The following AARSD1 variants were observed in gnomAD, a reference collection of about 807,000 sequenced individuals.
AARSD1 encodes alanyl-tRNA synthetase domain containing 1.
AARSD1 carries 44 observed loss-of-function variants against 48.7 expected under a neutral mutation model. That is an observed-to-expected ratio of 0.90 (90% CI 0.71 to 1.16). AARSD1 has a LOEUF of 1.16. Ranked by LOEUF, AARSD1 falls within the 50% of genes most tolerant of loss-of-function variation. The probability of loss-of-function intolerance (pLI) is 0.00; values close to 1 mark genes in which losing one functional copy is unlikely to be tolerated. For synonymous variants in AARSD1, 189 were observed against 194.9 expected, an observed-to-expected ratio of 0.97 and a Z score of 0.25; for missense variants, 511 against 523.1, an observed-to-expected ratio of 0.98 and a Z score of 0.23.
chr17:42,958,670 AAGCG>A (rs1490028483), intron 3 of AARSD1, among the ~76,000 whole-genome samples: 13 of 150,086 alleles, frequency 8.7e-5, no homozygotes, highest in African/African-American at 1.2e-4. Flanking sequence ...TCTCGGGTTC[AAGCG>A]ATTCTCCTGC....
In AARSD1 at chr17:42,950,611, C is replaced by A. The variant is rs376955035; in HGVS notation, c.1221G>T (p.Thr407=). The A allele has an allele frequency of 5.6e-6, 9 of 1,613,668 alleles. No individual in the cohort carries two copies. Among genetic ancestry groups the A allele is most frequent in the Non-Finnish European group, 7.6e-6 (9 of 1,179,916 alleles). Residue 407 remains threonine (T), a synonymous_variant, in exon 12 of 12, where the codon ACG becomes ACT. Coordinates refer to ENST00000427569, the MANE Select transcript of AARSD1 (RefSeq NM_001261434.2). The part of the protein sequence containing the change: ...AQALLQDYIS[T]QSAKE ...TAAGCCCTCACTCCTTAGCACTCTGCGTGCTGATGTAGTCCTGGAGAAGCG... is the reference window on the plus strand; with the variant it reads ...TAAGCCCTCACTCCTTAGCACTCTGAGTGCTGATGTAGTCCTGGAGAAGCG...
chr17:42,957,222 G>C (rs929422409), intron 3 of AARSD1, 27 bp from the exon 4 acceptor site: 2 of 1,612,574 alleles, frequency 1.2e-6, no homozygotes, highest in African/African-American at 2.7e-5. Flanking sequence ...AGAGACAGGA[G>C]AAAAGTGAGA....
At chr17:42,959,741 G>A (rs943509782) in intron 3 of AARSD1, among the ~76,000 whole-genome samples, 4 of 151,046 alleles carry the variant, frequency 2.6e-5, no homozygotes, top group African/African-American at 9.7e-5. Context: ...TCGGCTCACT[G>A]CAACCTCCAC....
intron 7 of AARSD1, 57 bp downstream of exon 7, chr17:42,955,784 AG>A: frequency 6.2e-7 from 1 of 1,608,860 alleles, no homozygotes; most frequent in East Asian, 2.2e-5. Flanking sequence ...CAGAGGTAAG[AG>A]ATTATGTCGA....
In AARSD1 at chr17:42,956,578, G is replaced by A; in HGVS notation, c.390-18C>T. The A allele has an allele frequency of 6.3e-7, 1 of 1,590,928 alleles. No homozygotes were observed. The highest frequency in any genetic ancestry group is 1.4e-5 in the African/African-American group (1 of 73,802). ...CTAACTCCCTGTCAGAAGTACAGTGGCCACAGATAACATATCTTACTGAAC... is the reference window on the plus strand; with the variant it reads ...CTAACTCCCTGTCAGAAGTACAGTGACCACAGATAACATATCTTACTGAAC... On this transcript the variant is annotated intron_variant, in intron 4 of 11. Coordinates refer to ENST00000427569, the MANE Select transcript of AARSD1 (RefSeq NM_001261434.2).
chr17:42,955,343 T>TA, intron 7 of AARSD1, 119 bp from the exon 8 acceptor site: 1 of 1,276,300 alleles, frequency 7.8e-7, no homozygotes, highest in Non-Finnish European at 1.1e-6. Flanking sequence ...GACCAGGAGA[T>TA]ATTCTGAGGA....
chr17:42,952,815 T>C (rs1374605363), intron 10 of AARSD1, among the ~76,000 whole-genome samples: 3 of 151,664 alleles, frequency 2.0e-5, no homozygotes, highest in Non-Finnish European at 4.4e-5. Context: ...CACTCCTGTA[T>C]TTACTTTTTT....
At chr17:42,957,104 C>A (rs776855950) in intron 4 of AARSD1, 34 bp downstream of exon 4, 505 of 1,610,360 alleles carry the variant, frequency 3.1e-4, no homozygotes, top group Non-Finnish European at 4.2e-4. Flanking sequence ...CTGGGATGGG[C>A]CTGCCTACAG....
intron 9 of AARSD1, 112 bp from the exon 10 acceptor site, chr17:42,953,890 TCCCATATCC>T: frequency 7.5e-7 from 1 of 1,341,696 alleles, no homozygotes; most frequent in Non-Finnish European, 1.1e-6. Flanking sequence ...ACACATAAAG[TCCCATATCC>T]CTTAGCCAAG....
intron 3 of AARSD1, 174 bp from the exon 4 acceptor site, chr17:42,957,369 G>A (rs905828009): frequency 5.8e-6 from 4 of 688,724 alleles, no homozygotes; most frequent in Non-Finnish European, 9.0e-6. Flanking sequence ...AATTCTGCAA[G>A]AGGCCTTATG....
At chr17:42,953,694 C>T in intron 10 of AARSD1, 30 bp downstream of exon 10, 1 of 1,614,102 alleles carries the variant, frequency 6.2e-7, no homozygotes, top group East Asian at 2.2e-5. Flanking sequence ...TCTATCCAGG[C>T]CGGGGTAGAG....
intron 3 of AARSD1, chr17:42,957,449 T>A: frequency 7.3e-6 from 2 of 273,598 alleles, no homozygotes; most frequent in East Asian, 6.8e-5. Context: ...ATGTAACTTA[T>A]AAGGGGCTGG....
At position 42,956,411 on chromosome 17, in the gene AARSD1, A is replaced by C. The variant is rs1597714547; in HGVS notation, c.539T>G (p.Val180Gly). 3 of 1,613,888 alleles carry C rather than the reference A, an allele frequency of 1.9e-6. No individual in the cohort carries two copies. Among genetic ancestry groups the C allele is most frequent in the Non-Finnish European group, 2.5e-6 (3 of 1,179,972 alleles). The change falls in exon 5 of 12, where the codon GTG (valine) becomes GGG (glycine). Residue 180 changes from valine to glycine, a missense_variant. Transcript: ENST00000427569. ...VRELSLDDPE[V>G]EQVSGRGLPD... ...CTCTGGCTCTACCCTTACCTGCTCC[A>C]CCTCAGGATCATCCAGGCTCAGTTC...
intron 8 of AARSD1, 56 bp from the exon 9 acceptor site, chr17:42,955,023 T>C (rs2049528243): frequency 1.2e-6 from 2 of 1,612,220 alleles, no homozygotes; most frequent in East Asian, 2.2e-5. Context: ...ATAGAGAGTA[T>C]CAGCTTCCCT....
At position 42,955,825 on chromosome 17, in the gene AARSD1, T is replaced by C. The variant is rs772552060; in HGVS notation, c.794+17A>G. 6.2e-7 allele frequency: 1 copy of C among 1,614,032 alleles called. No homozygotes were observed. The highest frequency in any genetic ancestry group is 1.7e-5 in the Admixed American group (1 of 59,984). ...CTCAGAAATGGGAGGTAATCGAAGGTACTGAAACAGGCATACTTAAGCAGA... is the reference window on the plus strand; with the variant it reads ...CTCAGAAATGGGAGGTAATCGAAGGCACTGAAACAGGCATACTTAAGCAGA... On this transcript the variant is annotated intron_variant, in intron 7 of 11. Coordinates refer to ENST00000427569, the MANE Select transcript of AARSD1 (RefSeq NM_001261434.2).
rs567342625 is a variant in AARSD1 at position 42,953,798 on chromosome 17, C to T, written c.954-20G>A. The T allele has an allele frequency of 2.5e-6, 4 of 1,614,162 alleles. No homozygotes were observed. The African/African-American group carries it at 5.3e-5, about 22-fold the overall frequency. ...TCCTTCCTACAACAAAGGACACAGA[C>T]ATGAGACCCAGGTTGGAGTGGTGGC... On this transcript the variant is annotated intron_variant, in intron 9 of 11. Coordinates refer to ENST00000427569, the MANE Select transcript of AARSD1 (RefSeq NM_001261434.2).
intron 10 of AARSD1, 135 bp downstream of exon 10, chr17:42,953,589 A>G: frequency 8.8e-7 from 1 of 1,140,416 alleles, no homozygotes; most frequent in South Asian, 1.4e-5. Context: ...TACTAAGAAA[A>G]CAGTATTGAA....
At chr17:42,963,084 C>G (rs946520326) in intron 2 of AARSD1, among the ~76,000 whole-genome samples, 2 of 148,016 alleles carry the variant, frequency 1.4e-5, no homozygotes, top group South Asian at 4.3e-4. Context: ...CTTAATACAC[C>G]TTTTTTTTTT....
At chr17:42,959,643 C>T (rs543916400) in intron 3 of AARSD1, among the ~76,000 whole-genome samples, 2 of 151,874 alleles carry the variant, frequency 1.3e-5, no homozygotes, top group South Asian at 4.2e-4. Context: ...CAGCAGTGAG[C>T]CACAGTGCCC....
Sources: allele counts gnomAD v4.1 joint callset (sites outside exome capture counted in the v4.1 genomes callset), GRCh38; gene constraint gnomAD v4.1.1; transcripts MANE v1.5; gene names NCBI Gene and HGNC (gene_info 2026-07-23, HGNC 2026-07-21).